Variants in SLC35F4 observed in about 807,000 individuals in gnomAD.
The protein encoded by SLC35F4 is solute carrier family 35 member F4, also known as chromosome 14 open reading frame 36.
SLC35F4 carries 24 observed loss-of-function variants against 44.2 expected under a neutral mutation model. The observed-to-expected ratio is 0.54, with a 90% CI of 0.39 to 0.76. The LOEUF is 0.76. Ranked by LOEUF, SLC35F4 falls within the 30% of genes least tolerant of loss-of-function variation. The pLI is 0.00. For synonymous variants in SLC35F4, 238 were observed against 223.6 expected, an observed-to-expected ratio of 1.06 and a Z score of -0.57; for missense variants, 562 against 586.1, an observed-to-expected ratio of 0.96 and a Z score of 0.42.
chr14:57,839,217 T>A (rs1235573156), intron 1 of SLC35F4, among the ~76,000 whole-genome samples: 1 of 152,194 alleles, frequency 6.6e-6, no homozygotes, highest in East Asian at 1.9e-4. Context: ...TATTTCTCTG[T>A]TCCTGTTCAG....
chr14:57,829,459 T>C (rs2140932170), intron 1 of SLC35F4, among the ~76,000 whole-genome samples: 1 of 152,328 alleles, frequency 6.6e-6, no homozygotes. Flanking sequence ...GGAAAGCTAT[T>C]GTTCCCTCAG....
intron 1 of SLC35F4, among the ~76,000 whole-genome samples, chr14:57,695,111 C>A (rs943665460): frequency 3.3e-5 from 5 of 152,074 alleles, no homozygotes; most frequent in Non-Finnish European, 7.4e-5. Flanking sequence ...CAGGCATGGG[C>A]AAGGACTTCA....
chr14:57,784,548 G>A lies in SLC35F4; in HGVS notation c.103+81175C>T, dbSNP rs543778999. 7.2e-5 allele frequency among the ~76,000 whole-genome samples: 11 copies of A among 152,182 alleles called. No homozygotes were observed. In the East Asian group the frequency reaches 7.8e-4, roughly 11 times the overall value. The stretch of plus-strand genomic sequence containing the variant: ...AAAAAATTTTTTCTTAGTCAGGGGC[G>A]TGCCTGTAGTCCCAGCTACTTGGGA... On this transcript the variant is annotated intron_variant, in intron 1 of 7. Transcript: ENST00000556826.
chr14:57,794,495 TACC>T (rs1319507633), intron 1 of SLC35F4, among the ~76,000 whole-genome samples: 2 of 152,158 alleles, frequency 1.3e-5, no homozygotes, highest in African/African-American at 4.8e-5. Flanking sequence ...CACAATGAGA[TACC>T]ACCTTACCTC....
At chr14:57,982,316 T>C (rs1881405160), upstream of SLC35F4, 1 of 152,212 alleles carries the variant, frequency 6.6e-6, no homozygotes, top group Admixed American at 6.5e-5. Context: ...AATGTTCTGA[T>C]GATGCCGTGT....
At chr14:57,616,708 C>T (rs187140144) in intron 1 of SLC35F4, among the ~76,000 whole-genome samples, 36 of 152,270 alleles carry the variant, frequency 2.4e-4, no homozygotes, top group Middle Eastern at 6.8e-3. Flanking sequence ...ATTCCCTTTA[C>T]TTGTTGCTTT....
intron 1 of SLC35F4, among the ~76,000 whole-genome samples, chr14:57,922,419 G>T (rs549859713): frequency 1.3e-5 from 2 of 152,194 alleles, no homozygotes; most frequent in East Asian, 3.9e-4. Context: ...TTCTCAACAC[G>T]GTACCCCATA....
At chr14:57,759,406 C>T (rs1016021088) in intron 1 of SLC35F4, among the ~76,000 whole-genome samples, 5 of 151,784 alleles carry the variant, frequency 3.3e-5, no homozygotes, top group Non-Finnish European at 5.9e-5. Context: ...ATGGTGAAAC[C>T]CCATCCCTAC....
At chr14:57,742,911 A>C (rs1422784006) in intron 1 of SLC35F4, among the ~76,000 whole-genome samples, 1 of 152,216 alleles carries the variant, frequency 6.6e-6, no homozygotes, top group East Asian at 1.9e-4. Context: ...AACTCAGGAT[A>C]AGAAACTCAC....
intron 1 of SLC35F4, among the ~76,000 whole-genome samples, chr14:57,736,549 C>A (rs560910401): frequency 4.6e-5 from 7 of 152,282 alleles, no homozygotes; most frequent in African/African-American, 1.7e-4. Context: ...ACAGAGTGCT[C>A]TCTCCACATA....
intron 1 of SLC35F4, among the ~76,000 whole-genome samples, chr14:57,636,461 T>C (rs755871533): frequency 2.0e-4 from 30 of 152,132 alleles, no homozygotes; most frequent in African/African-American, 3.6e-4. Flanking sequence ...CTCCATGTTA[T>C]TCTTCCATTA....
At chr14:57,569,338 TA>T (rs1316378109) in intron 6 of SLC35F4, among the ~76,000 whole-genome samples, 2 of 152,126 alleles carry the variant, frequency 1.3e-5, no homozygotes, top group Non-Finnish European at 2.9e-5. Flanking sequence ...GCTTCCCTCT[TA>T]AATAGCATCT....
At chr14:57,592,183 T>C (rs534550648) in intron 2 of SLC35F4, among the ~76,000 whole-genome samples, 6 of 152,374 alleles carry the variant, frequency 3.9e-5, no homozygotes, top group African/African-American at 1.2e-4. Flanking sequence ...GTCATGCAAA[T>C]TGACAGCAGA....
At chr14:57,724,933 C>T (rs971234790) in intron 1 of SLC35F4, among the ~76,000 whole-genome samples, 7 of 152,162 alleles carry the variant, frequency 4.6e-5, no homozygotes, top group African/African-American at 1.7e-4. Context: ...AAGTCATGGG[C>T]TGTAGCCAAT....
intron 1 of SLC35F4, among the ~76,000 whole-genome samples, chr14:57,938,802 G>A (rs1248260242): frequency 6.6e-6 from 1 of 152,170 alleles, no homozygotes. Flanking sequence ...TGTGTCCAAG[G>A]CATTCGACTG....
At chr14:57,657,113 T>C (rs1397727419) in intron 1 of SLC35F4, among the ~76,000 whole-genome samples, 1 of 152,258 alleles carries the variant, frequency 6.6e-6, no homozygotes, top group Non-Finnish European at 1.5e-5. Flanking sequence ...TCTTTTTGAC[T>C]CAAACGCCTT....
At chr14:57,638,049 T>C (rs149064500) in intron 1 of SLC35F4, among the ~76,000 whole-genome samples, 3,505 of 152,254 alleles carry the variant, frequency 0.023, 67 homozygotes, top group South Asian at 0.075. Flanking sequence ...GCCACCCTCC[T>C]CTACATAAGA....
At chr14:57,631,853 A>G (rs1015369030) in intron 1 of SLC35F4, among the ~76,000 whole-genome samples, 3 of 152,126 alleles carry the variant, frequency 2.0e-5, no homozygotes, top group African/African-American at 7.2e-5. Context: ...AATCTTTATA[A>G]AAAGCCAAAA....
intron 1 of SLC35F4, among the ~76,000 whole-genome samples, chr14:57,658,903 T>C (rs1287928261): frequency 7.2e-5 from 11 of 152,134 alleles, no homozygotes; most frequent in Non-Finnish European, 1.2e-4. Context: ...TTTAGGATTA[T>C]AGATTTAGAA....
Sources: gnomAD v4.1 joint callset for allele counts (sites outside exome capture counted in the v4.1 genomes callset) on GRCh38, gnomAD v4.1.1 for gene constraint, MANE v1.5 for transcripts, NCBI Gene and HGNC (gene_info 2026-07-23, HGNC 2026-07-21) for gene names.